The following MAPK8 variants were observed in gnomAD, a reference collection of about 807,000 sequenced individuals.
The protein encoded by MAPK8 is JUN N-terminal kinase.
MAPK8 carries 13 observed loss-of-function variants against 52.9 expected under a neutral mutation model. That is an observed-to-expected ratio of 0.25 (90% confidence interval 0.16 to 0.39). The LOEUF (loss-of-function observed/expected upper bound fraction) is 0.39. MAPK8 is among the 10% of genes least tolerant of loss of function. The probability of loss-of-function intolerance (pLI) is 1.00; values close to 1 mark genes in which losing one functional copy is unlikely to be tolerated. For missense variants in MAPK8, 300 were observed against 519.2 expected (o/e 0.58, Z 4.10); for synonymous variants, 191 against 169.8 (o/e 1.12, Z -0.97).
intron 1 of MAPK8, among the ~76,000 whole-genome samples, chr10:48,328,387 T>TA (rs143100518): frequency 0.023 from 3,427 of 152,174 alleles, 138 homozygotes; most frequent in African/African-American, 0.078. Context: ...CTTTAGGTGT[T>TA]ACTCTTTTTG....
chr10:48,338,363 A>C (rs1844900118), intron 1 of MAPK8, among the ~76,000 whole-genome samples: 1 of 151,926 alleles, frequency 6.6e-6, no homozygotes, highest in Admixed American at 6.6e-5. Context: ...CCATATTCTT[A>C]TGCAGTAAAA....
At chr10:48,389,337 C>T (rs181264957) in intron 1 of MAPK8, among the ~76,000 whole-genome samples, 8 of 152,212 alleles carry the variant, frequency 5.3e-5, no homozygotes, top group African/African-American at 1.4e-4. Flanking sequence ...AGACTTCATT[C>T]GTTAGAGCTA....
chr10:48,400,768 T>G (rs1017001630), intron 1 of MAPK8, among the ~76,000 whole-genome samples: 2 of 152,246 alleles, frequency 1.3e-5, no homozygotes, highest in Non-Finnish European at 2.9e-5. Flanking sequence ...TTAAAGCTGC[T>G]TTGCATACAT....
At position 48,436,030 on chromosome 10, in the gene MAPK8, C is replaced by G. The variant is rs2044825923; in HGVS notation, c.*1001C>G. The G allele has an allele frequency of 1.3e-5, 2 of 152,128 alleles. No individual in the cohort carries two copies. The highest frequency in any genetic ancestry group is 4.1e-4 in the South Asian group (2 of 4,824). 9.4% of individuals were successfully genotyped at this position (152,128 alleles called of 1,614,324 possible). A position where few individuals can be genotyped will look rare whatever the true frequency, so the allele number is the denominator to read the frequency against. ...TTACTTGGAGTGTCTGTCAGTTGAGCACCAGTTGTTCTGGTGTTTCATTTG... is the reference window on the plus strand; with the variant it reads ...TTACTTGGAGTGTCTGTCAGTTGAGGACCAGTTGTTCTGGTGTTTCATTTG... On this transcript the variant is annotated 3_prime_UTR_variant, in exon 12 of 12. Transcript: ENST00000374189.
chr10:48,334,689 C>T (rs1245108681), intron 1 of MAPK8, among the ~76,000 whole-genome samples: 2 of 152,134 alleles, frequency 1.3e-5, no homozygotes, highest in Admixed American at 6.5e-5. Flanking sequence ...TGACTCTACG[C>T]AGGCATAAAG....
chr10:48,318,781 T>G (rs1842729947), intron 1 of MAPK8, among the ~76,000 whole-genome samples: 1 of 152,150 alleles, frequency 6.6e-6, no homozygotes, highest in Non-Finnish European at 1.5e-5. Context: ...AGTTGTAATG[T>G]CCTCAATGAA....
chr10:48,316,410 C>T (rs751953772), intron 1 of MAPK8, among the ~76,000 whole-genome samples: 2 of 152,104 alleles, frequency 1.3e-5, no homozygotes, highest in Admixed American at 6.5e-5. Context: ...TGCACAGTGA[C>T]GAAATTGCCT....
chr10:48,319,516 G>A (rs1026836729), intron 1 of MAPK8, among the ~76,000 whole-genome samples: 7 of 151,864 alleles, frequency 4.6e-5, no homozygotes, highest in East Asian at 1.9e-4. Flanking sequence ...TTGAGATGAC[G>A]TCTTGCTCTG....
chr10:48,336,316 T>C (rs1255667244), intron 1 of MAPK8, among the ~76,000 whole-genome samples: 1 of 152,108 alleles, frequency 6.6e-6, no homozygotes, highest in Non-Finnish European at 1.5e-5. Context: ...TTAAAAAATA[T>C]TCATTGCCCA....
intron 1 of MAPK8, among the ~76,000 whole-genome samples, chr10:48,392,058 G>T (rs2041653855): frequency 6.6e-6 from 1 of 152,070 alleles, no homozygotes; most frequent in Admixed American, 6.6e-5. Flanking sequence ...TATTGGATAG[G>T]CATGATTGAC....
intron 1 of MAPK8, among the ~76,000 whole-genome samples, chr10:48,392,041 G>T (rs2041652916): frequency 6.6e-6 from 1 of 152,130 alleles, no homozygotes; most frequent in Admixed American, 6.6e-5. Context: ...AGCCTTTCAT[G>T]GAGATTTATT....
chr10:48,438,657 CAAGT>C lies in MAPK8; in HGVS notation c.*3632_*3635del, dbSNP rs1311554149. 14 of 152,312 alleles carry C rather than the reference CAAGT, an allele frequency of 9.2e-5. No individual in the cohort carries two copies. Among genetic ancestry groups the C allele is most frequent in the Admixed American group, 9.1e-4 (14 of 15,306 alleles). The allele number at this position is 152,312 out of a possible 1,614,324, so 9.4% of individuals were successfully genotyped here. ...CTCACACTAATTTTCTATGCTTTCC[CAAGT>C]AAGCTGTTGCCCTGTTAGATCTTTA... is the stretch of plus-strand genomic sequence containing the variant. On this transcript the variant is annotated 3_prime_UTR_variant, in exon 12 of 12. Coordinates refer to ENST00000374189, the MANE Select transcript of MAPK8 (RefSeq NM_001323329.2).
chr10:48,326,674 TTATA>T lies in MAPK8; in HGVS notation c.-50+19855_-50+19858del, dbSNP rs1843555138. Among the ~76,000 whole-genome samples, 4 of 152,208 alleles carry T rather than the reference TTATA, an allele frequency of 2.6e-5. No individual in the cohort carries two copies. The South Asian group carries it at 6.2e-4, about 24-fold the overall frequency. Reference sequence around the variant, plus strand: ...AGTATTTAATATTATATATCAGTATTTATATGTGCATAAATATTTGTAACCATCT... The same window carrying T: ...AGTATTTAATATTATATATCAGTATTTGTGCATAAATATTTGTAACCATCT... On this transcript the variant is annotated intron_variant, in intron 1 of 11. Coordinates refer to ENST00000374189, the MANE Select transcript of MAPK8 (RefSeq NM_001323329.2).
Position 48,439,137 on chromosome 10 carries a change from C to T in MAPK8, c.*4108C>T, listed in dbSNP as rs1031366353. The stretch of plus-strand genomic sequence containing the variant: ...TTTCTCCCTCTGCGATGTCATTCCT[C>T]CTCCATTCCTCTCCTTCCCTGTGTT... On this transcript the variant is annotated 3_prime_UTR_variant, in exon 12 of 12. Coordinates refer to ENST00000374189, the MANE Select transcript of MAPK8 (RefSeq NM_001323329.2). 1 of 151,908 alleles carries T rather than the reference C, an allele frequency of 6.6e-6. No individual in the cohort carries two copies. The highest frequency in any genetic ancestry group is 1.5e-5 in the Non-Finnish European group (1 of 67,992). The allele number at this position is 151,908 out of a possible 1,614,324, so 9.4% of individuals were successfully genotyped here. A position where few individuals can be genotyped will look rare whatever the true frequency, so the allele number is the denominator to read the frequency against.
intron 1 of MAPK8, among the ~76,000 whole-genome samples, chr10:48,310,077 G>A (rs1047478307): frequency 6.6e-6 from 1 of 152,188 alleles, no homozygotes; most frequent in Non-Finnish European, 1.5e-5. Flanking sequence ...GTATTGAAAT[G>A]AGTTATCCTG....
chr10:48,334,488 A>G (rs1431559674), intron 1 of MAPK8, among the ~76,000 whole-genome samples: 1 of 152,126 alleles, frequency 6.6e-6, no homozygotes, highest in Non-Finnish European at 1.5e-5. Context: ...CTTAGAGTCC[A>G]ATTTTCCTAC....
chr10:48,350,508 TG>T (rs1846206198), intron 1 of MAPK8, among the ~76,000 whole-genome samples: 1 of 152,102 alleles, frequency 6.6e-6, no homozygotes, highest in Non-Finnish European at 1.5e-5. Context: ...ATAGAACCAA[TG>T]ACAAAAACCA....
chr10:48,335,324 A>G (rs2132285855), intron 1 of MAPK8, among the ~76,000 whole-genome samples: 1 of 152,274 alleles, frequency 6.6e-6, no homozygotes, highest in South Asian at 2.1e-4. Context: ...TATATTAAAT[A>G]TTGATATATC....
chr10:48,363,685 T>G (rs1847773551), intron 1 of MAPK8, among the ~76,000 whole-genome samples: 1 of 152,236 alleles, frequency 6.6e-6, no homozygotes, highest in Admixed American at 6.5e-5. Flanking sequence ...AGAATTAAAC[T>G]TACATTTTTC....
Sources: gnomAD v4.1 joint callset for allele counts (sites outside exome capture counted in the v4.1 genomes callset) on GRCh38, gnomAD v4.1.1 for gene constraint, MANE v1.5 for transcripts, NCBI Gene and HGNC (gene_info 2026-07-23, HGNC 2026-07-21) for gene names.